Variants in RBM6 observed in about 807,000 individuals in gnomAD.
The protein encoded by RBM6 is RNA-binding protein 6.
A neutral mutation model predicts 140.4 loss-of-function variants in RBM6; 23 were observed. The ratio of observed to expected loss-of-function variants is 0.16; its 90% CI spans 0.12 to 0.23. RBM6 has a LOEUF of 0.23. Among genes scored for constraint, RBM6 ranks in the 10% least tolerant of loss-of-function variants. RBM6 has a pLI of 1.00. For synonymous variants in RBM6, 439 were observed against 475.6 expected (o/e 0.92, Z 1.00); for missense variants, 1,139 against 1,386.7 (o/e 0.82, Z 2.84).
chr3:49,984,610 CACA>C, intron 5 of RBM6, among the ~76,000 whole-genome samples: 1 of 94,972 alleles, frequency 1.1e-5, no homozygotes, highest in East Asian at 2.2e-4. Flanking sequence ...CACATCACAT[CACA>C]TCGCATCGCA....
chr3:50,033,190 A>C (rs1376339534), intron 6 of RBM6, among the ~76,000 whole-genome samples: 1 of 149,746 alleles, frequency 6.7e-6, no homozygotes, highest in Non-Finnish European at 1.5e-5. Context: ...CCAGCTACTC[A>C]GGAGGCTCAG....
intron 6 of RBM6, among the ~76,000 whole-genome samples, chr3:50,033,384 C>T (rs2088299751): frequency 6.6e-6 from 1 of 152,062 alleles, no homozygotes. Flanking sequence ...CTCCTGAAAC[C>T]TGATGCTTTA....
rs576839643 is a variant in RBM6 at position 50,030,247 on chromosome 3, C to T, written c.1558-17998C>T. On this transcript the variant is annotated intron_variant, in intron 6 of 20. Coordinates refer to ENST00000266022, the MANE Select transcript of RBM6 (RefSeq NM_005777.3). ...GCAGTGAGCCATGATCATGCCACTG[C>T]TCTCTAGCCTGGGTGACAGAGTGAG... Among the ~76,000 whole-genome samples, 21 of 145,664 alleles carry T rather than the reference C, an allele frequency of 1.4e-4. No individual in the cohort carries two copies. In the East Asian group the frequency reaches 4.1e-3, roughly 29 times the overall value.
chr3:50,037,597 G>A (rs1464518011), intron 6 of RBM6, among the ~76,000 whole-genome samples: 1 of 152,164 alleles, frequency 6.6e-6, no homozygotes, highest in Non-Finnish European at 1.5e-5. Context: ...AAGTACTTGG[G>A]TGGGAGGTGA....
intron 6 of RBM6, among the ~76,000 whole-genome samples, chr3:50,035,767 T>A (rs142394610): frequency 0.022 from 3,227 of 144,082 alleles, 56 homozygotes; most frequent in African/African-American, 0.055. Context: ...TTTAAAAAAA[T>A]TTTTTTTTTT....
chr3:49,986,241 G>A (rs577824868), intron 5 of RBM6, among the ~76,000 whole-genome samples: 21 of 149,780 alleles, frequency 1.4e-4, no homozygotes, highest in African/African-American at 4.6e-4. Context: ...TGATCCATTC[G>A]TCTCAGACTC....
chr3:49,948,349 G>A (rs1215117368), intron 1 of RBM6, among the ~76,000 whole-genome samples: 1 of 152,060 alleles, frequency 6.6e-6, no homozygotes, highest in Non-Finnish European at 1.5e-5. Flanking sequence ...GCAACATAGT[G>A]AAACCCCGAT....
chr3:49,958,723 C>G (rs1032539294), intron 1 of RBM6, among the ~76,000 whole-genome samples: 1 of 151,422 alleles, frequency 6.6e-6, no homozygotes, highest in Non-Finnish European at 1.5e-5. Flanking sequence ...TGCATTCCAG[C>G]CTTGGCAACA....
chr3:50,065,737 C>T (rs1406054004), intron 16 of RBM6: 1 of 434,040 alleles, frequency 2.3e-6, no homozygotes, highest in African/African-American at 2.0e-5. Flanking sequence ...CCTTTTCCTG[C>T]TCCGCATTAT....
Position 50,075,243 on chromosome 3 carries a change from C to T in RBM6, c.3159C>T (p.Ser1053=), listed in dbSNP as rs755418200. The change falls in exon 20 of 21, where the codon AGC becomes AGT. Residue 1053 remains serine (S), a synonymous_variant. Coordinates refer to ENST00000266022, the MANE Select transcript of RBM6 (RefSeq NM_005777.3). ...ATAAAGAAGATATCGACACTAGCAG[C>T]AAAGGAGGCTGTGTCCAACAGGCTA... is the stretch of plus-strand genomic sequence containing the variant. The part of the protein sequence containing the change: ...LVDKEDIDTS[S]KGGCVQQATG... 7 of 1,613,854 alleles carry T rather than the reference C, an allele frequency of 4.3e-6. No homozygotes were observed. In the African/African-American group the frequency reaches 9.4e-5, roughly 22 times the overall value.
At chr3:50,028,118 C>T (rs1220261640) in intron 6 of RBM6, among the ~76,000 whole-genome samples, 2 of 151,100 alleles carry the variant, frequency 1.3e-5, no homozygotes, top group African/African-American at 4.9e-5. Context: ...GGACATGTGT[C>T]AGTCTTAAAT....
intron 6 of RBM6, among the ~76,000 whole-genome samples, chr3:50,007,024 T>TA (rs1174624763): frequency 6.6e-6 from 1 of 152,000 alleles, no homozygotes; most frequent in Admixed American, 6.6e-5. Context: ...AACAAAGTCT[T>TA]AAGTTACAGC....
intron 1 of RBM6, among the ~76,000 whole-genome samples, chr3:49,947,974 A>C (rs1005225112): frequency 6.6e-6 from 1 of 152,160 alleles, no homozygotes; most frequent in Non-Finnish European, 1.5e-5. Flanking sequence ...CCTGGCTGTA[A>C]TCCCAGCTAC....
At chr3:50,060,420 C>T (rs2089887685) in intron 11 of RBM6, among the ~76,000 whole-genome samples, 1 of 152,088 alleles carries the variant, frequency 6.6e-6, no homozygotes, top group Admixed American at 6.6e-5. Flanking sequence ...CACTTAATGG[C>T]TGTTTTGCTC....
intron 6 of RBM6, among the ~76,000 whole-genome samples, chr3:50,024,129 T>C (rs1176333508): frequency 6.6e-6 from 1 of 152,208 alleles, no homozygotes; most frequent in Non-Finnish European, 1.5e-5. Flanking sequence ...TTTAAAATGA[T>C]GTGGCTTAGA....
At chr3:49,957,983 C>T (rs1160447619) in intron 1 of RBM6, among the ~76,000 whole-genome samples, 1 of 152,120 alleles carries the variant, frequency 6.6e-6, no homozygotes, top group Non-Finnish European at 1.5e-5. Flanking sequence ...AGTTGTACGC[C>T]ACCACACGTG....
intron 6 of RBM6, among the ~76,000 whole-genome samples, chr3:50,005,577 T>G (rs1371590665): frequency 6.6e-6 from 1 of 151,884 alleles, no homozygotes. Flanking sequence ...TGGAAAAAAT[T>G]GAAGAACCTA....
At chr3:50,054,434 T>C in intron 8 of RBM6, 39 bp downstream of exon 8, 1 of 1,509,658 alleles carries the variant, frequency 6.6e-7, no homozygotes, top group South Asian at 1.1e-5. Context: ...ATCTCGTGCA[T>C]TGAGCAAAAC....
chr3:50,032,055 A>G (rs1026389305), intron 6 of RBM6, among the ~76,000 whole-genome samples: 3 of 152,210 alleles, frequency 2.0e-5, no homozygotes, highest in Admixed American at 2.0e-4. Flanking sequence ...ATCAGAATTT[A>G]GTCATAGCCA....
Sources: allele counts gnomAD v4.1 joint callset (sites outside exome capture counted in the v4.1 genomes callset), GRCh38; gene constraint gnomAD v4.1.1; transcripts MANE v1.5; gene names NCBI Gene and HGNC (gene_info 2026-07-23, HGNC 2026-07-21).